Variants in GNS observed in about 807,000 individuals in gnomAD.
GNS encodes N-acetylglucosamine-6-sulfatase.
GNS carries 40 observed loss-of-function variants against 69.7 expected under a neutral mutation model. That is an observed-to-expected ratio of 0.57 (90% CI 0.45 to 0.75). The LOEUF is 0.75. Ranked by LOEUF, GNS falls within the 30% of genes least tolerant of loss-of-function variation. The probability of loss-of-function intolerance (pLI) is 0.00; values close to 1 mark genes in which losing one functional copy is unlikely to be tolerated. For synonymous variants in GNS, 243 were observed against 251.6 expected, an observed-to-expected ratio of 0.97 and a Z score of 0.32; for missense variants, 565 against 685.5, an observed-to-expected ratio of 0.82 and a Z score of 1.96.
At chr12:64,726,157 A>C (rs1272157971) in intron 10 of GNS, among the ~76,000 whole-genome samples, 1 of 152,150 alleles carries the variant, frequency 6.6e-6, no homozygotes, top group African/African-American at 2.4e-5. Context: ...TGAAAAGCTG[A>C]TTCTAAAGTT....
Position 64,732,153 on chromosome 12 carries a change from A to ATTTTTTTTT in GNS, c.1099-3105_1099-3097dup, listed in dbSNP as rs1210247666. 6.8e-3 allele frequency among the ~76,000 whole-genome samples: 604 copies of ATTTTTTTTT among 88,664 alleles called. 162 individuals carry two copies. Among genetic ancestry groups the ATTTTTTTTT allele is most frequent in the East Asian group, 0.017 (35 of 2,076 alleles). 58.2% of individuals were successfully genotyped at this position (88,664 alleles called of 152,430 possible). ...AGGCACCTGCCACCACACCTGGCTA[A>ATTTTTTTTT]TTTTTTTTTTTTGTTGTTTTTTTTT... On this transcript the variant is annotated intron_variant, in intron 9 of 13. Coordinates refer to ENST00000258145, the MANE Select transcript of GNS (RefSeq NM_002076.4).
At chr12:64,751,649 T>C (rs984462538) in intron 2 of GNS, among the ~76,000 whole-genome samples, 2 of 152,232 alleles carry the variant, frequency 1.3e-5, no homozygotes, top group Non-Finnish European at 2.9e-5. Flanking sequence ...TGTATCATGT[T>C]GGTAGACATA....
At chr12:64,756,672 T>C in intron 1 of GNS, 2 of 1,128,250 alleles carry the variant, frequency 1.8e-6, no homozygotes, top group South Asian at 2.6e-5. Context: ...CATACTCTGC[T>C]CGGCTCCAAG....
chr12:64,738,012 CTTT>C (rs60901845), intron 8 of GNS, among the ~76,000 whole-genome samples: 3 of 143,772 alleles, frequency 2.1e-5, no homozygotes, highest in Admixed American at 7.0e-5. Flanking sequence ...TTGCCTGCAT[CTTT>C]TTTTTTTTTT....
At chr12:64,755,949 G>A (rs1379262927) in intron 1 of GNS, among the ~76,000 whole-genome samples, 1 of 152,100 alleles carries the variant, frequency 6.6e-6, no homozygotes, top group African/African-American at 2.4e-5. Flanking sequence ...TTACAGGCGT[G>A]AGCCACCGCG....
chr12:64,739,353 C>T, intron 8 of GNS, 28 bp downstream of exon 8: 1 of 1,036,902 alleles, frequency 9.6e-7, no homozygotes, highest in Non-Finnish European at 1.5e-6. Context: ...TCTCAAAGAT[C>T]ACAGCAGTAC....
intron 2 of GNS, among the ~76,000 whole-genome samples, chr12:64,749,684 A>C (rs931254739): frequency 2.4e-4 from 36 of 152,110 alleles, no homozygotes; most frequent in Non-Finnish European, 3.2e-4. Flanking sequence ...TTGTTACATA[A>C]GATTTAAGTT....
intron 1 of GNS, among the ~76,000 whole-genome samples, chr12:64,758,559 C>CT (rs1024152537): frequency 4.3e-4 from 65 of 152,062 alleles, no homozygotes; most frequent in African/African-American, 1.5e-3. Context: ...TCTTGACCTT[C>CT]TGATCCGCCC....
At chr12:64,750,206 C>T in intron 2 of GNS, among the ~76,000 whole-genome samples, 1 of 151,858 alleles carries the variant, frequency 6.6e-6, no homozygotes, top group East Asian at 1.9e-4. Context: ...GCCACCACGC[C>T]CGGCTAATTT....
Position 64,739,587 on chromosome 12 carries a change from A to C in GNS, c.876-88T>G, listed in dbSNP as rs1715671283. ...GCCAAAAAAAAAAAAAACCAAAAAC[A>C]AAAACAAAGACACCCCCGTTTAAAA... On this transcript the variant is annotated intron_variant, in intron 7 of 13. Coordinates refer to ENST00000258145, the MANE Select transcript of GNS (RefSeq NM_002076.4). 8.4e-6 allele frequency: 6 copies of C among 713,178 alleles called. No homozygotes were observed. The East Asian group carries it at 1.3e-4, about 15-fold the overall frequency. 44.2% of individuals were successfully genotyped at this position (713,178 alleles called of 1,614,324 possible).
chr12:64,725,433 C>T (rs1042935621), intron 10 of GNS, among the ~76,000 whole-genome samples: 2 of 152,300 alleles, frequency 1.3e-5, no homozygotes, highest in South Asian at 2.1e-4. Flanking sequence ...GAAACATTCT[C>T]GATCTTTGCT....
chr12:64,730,130 G>A (rs1306747512), intron 9 of GNS, among the ~76,000 whole-genome samples: 1 of 152,122 alleles, frequency 6.6e-6, no homozygotes, highest in Non-Finnish European at 1.5e-5. Flanking sequence ...GAGGAAGTGA[G>A]AAAAACTGGG....
chr12:64,747,587 C>A, intron 3 of GNS, 125 bp downstream of exon 3: 1 of 675,430 alleles, frequency 1.5e-6, no homozygotes, highest in South Asian at 1.7e-5. Flanking sequence ...GTTTAATGGG[C>A]AGATTCACAG....
At position 64,759,047 on chromosome 12, in the gene GNS, C is replaced by T. The variant is rs556222976; in HGVS notation, c.192+38G>A. On this transcript the variant is annotated intron_variant, in intron 1 of 13. Transcript: ENST00000258145. Reference sequence around the variant, plus strand: ...AGAGCAACAAACCGGGTAGTCAGCCCAAGAGATAGAGGGGCGGGGCAGAAA... The same window carrying T: ...AGAGCAACAAACCGGGTAGTCAGCCTAAGAGATAGAGGGGCGGGGCAGAAA... 44 of 1,507,146 alleles carry T rather than the reference C, an allele frequency of 2.9e-5. No individual in the cohort carries two copies. In the African/African-American group the frequency reaches 5.8e-4, roughly 20 times the overall value. The allele number at this position is 1,507,146 out of a possible 1,614,324, so 93.4% of individuals were successfully genotyped here.
intron 2 of GNS, among the ~76,000 whole-genome samples, chr12:64,752,232 T>C (rs747132197): frequency 3.9e-5 from 6 of 152,212 alleles, no homozygotes; most frequent in Non-Finnish European, 8.8e-5. Flanking sequence ...TCCCTGATAG[T>C]AGGCTACCCT....
chr12:64,723,192 G>A, intron 10 of GNS, 79 bp from the exon 11 acceptor site: 1 of 874,346 alleles, frequency 1.1e-6, no homozygotes, highest in Admixed American at 1.8e-5. Flanking sequence ...CTGCTAAAGG[G>A]GACCTGGGAG....
At chr12:64,717,360 G>A (rs1449751976) in intron 13 of GNS, among the ~76,000 whole-genome samples, 1 of 152,036 alleles carries the variant, frequency 6.6e-6, no homozygotes, top group Non-Finnish European at 1.5e-5. Flanking sequence ...TTTGGTGGGG[G>A]CGCTGGCAGG....
intron 9 of GNS, among the ~76,000 whole-genome samples, chr12:64,734,477 A>C (rs1304527785): frequency 4.6e-5 from 7 of 152,182 alleles, no homozygotes; most frequent in African/African-American, 1.7e-4. Flanking sequence ...CTAAAGGACA[A>C]TTAACTTGAC....
intron 3 of GNS, among the ~76,000 whole-genome samples, chr12:64,746,938 G>C (rs945263057): frequency 6.6e-6 from 1 of 152,202 alleles, no homozygotes; most frequent in Non-Finnish European, 1.5e-5. Context: ...AAGATCTCTA[G>C]CAACTACAGA....
Sources: allele counts gnomAD v4.1 joint callset (sites outside exome capture counted in the v4.1 genomes callset), GRCh38; gene constraint gnomAD v4.1.1; transcripts MANE v1.5; gene names NCBI Gene and HGNC (gene_info 2026-07-23, HGNC 2026-07-21).